KRT74: variants seen among roughly 807,000 people sequenced by gnomAD.
KRT74 encodes the protein keratin, type II cytoskeletal 74.
In KRT74, 43 loss-of-function variants were observed where a neutral mutation model predicts 42.7. The observed-to-expected ratio is 1.01, with a 90% confidence interval of 0.79 to 1.30. The LOEUF (loss-of-function observed/expected upper bound fraction) is 1.30. Among genes scored for constraint, KRT74 ranks in the 50% most tolerant of loss-of-function variants. The pLI is 0.00. For synonymous variants in KRT74, 302 were observed against 279.0 expected (o/e 1.08, Z -0.82); for missense variants, 736 against 689.1 (o/e 1.07, Z -0.76).
chr12:52,573,357 G>C lies in KRT74; in HGVS notation c.421C>G (p.Arg141Gly). ...TCGTTCAGCACCTTGATCTGTTCCC[G>C]CTCCTGGGCGCGCACCTTCTGGATC... Reference protein sequence around the residue: ...PEIQKVRAQEREQIKVLNDKF... With the variant: ...PEIQKVRAQEGEQIKVLNDKF... Residue 141 changes from arginine to glycine, a missense_variant, in exon 1 of 9, where the codon CGG becomes GGG. Coordinates refer to ENST00000305620, the MANE Select transcript of KRT74 (RefSeq NM_175053.4). 6.2e-7 allele frequency: 1 copy of C among 1,614,148 alleles called. No homozygotes were observed. Among genetic ancestry groups the C allele is most frequent in the African/African-American group, 1.3e-5 (1 of 75,040 alleles).
chr12:52,572,726 C>T (rs1283326251), intron 1 of KRT74, 59 bp from the exon 2 acceptor site: 15 of 1,481,722 alleles, frequency 1.0e-5, no homozygotes, highest in Non-Finnish European at 1.2e-5. Context: ...GCCCCCTGGA[C>T]ACACACCATT....
intron 5 of KRT74, 78 bp downstream of exon 5, chr12:52,570,591 T>C (rs1006696060): frequency 1.8e-5 from 27 of 1,482,764 alleles, no homozygotes; most frequent in Non-Finnish European, 2.3e-5. Context: ...CACAAAAGTA[T>C]TCCTCACATT....
At position 52,572,412 on chromosome 12, in the gene KRT74, C is replaced by T. The variant is rs371552766; in HGVS notation, c.686+41G>A. The T allele has an allele frequency of 2.8e-4, 449 of 1,606,502 alleles. 1 individual carries two copies. The highest frequency in any genetic ancestry group is 3.4e-4 in the Non-Finnish European group (402 of 1,173,110). ...CAGAGATCAGGTGAGCCCAGAGGCACGGGAAACATGGTCTGTGACCCTCGG... is the reference window on the plus strand; with the variant it reads ...CAGAGATCAGGTGAGCCCAGAGGCATGGGAAACATGGTCTGTGACCCTCGG... On this transcript the variant is annotated intron_variant, in intron 2 of 8. Transcript: ENST00000305620.
chr12:52,571,337 G>A (rs1939477336), intron 4 of KRT74, 22 bp downstream of exon 4: 1 of 1,409,934 alleles, frequency 7.1e-7, no homozygotes, highest in Non-Finnish European at 1.0e-6. Flanking sequence ...GGGTGAGGGT[G>A]GGGGGACAGG....
intron 6 of KRT74, chr12:52,569,407 C>A: frequency 2.0e-6 from 1 of 503,236 alleles, no homozygotes; most frequent in Non-Finnish European, 3.5e-6. Context: ...AACAGAGGCG[C>A]CTGATGCATA....
chr12:52,572,029 C>G (rs376839771), intron 2 of KRT74, 25 bp from the exon 3 acceptor site: 3 of 1,506,756 alleles, frequency 2.0e-6, no homozygotes, highest in African/African-American at 2.8e-5. Context: ...AGTAGATGGC[C>G]TTAGCCCCCT....
intron 4 of KRT74, 23 bp downstream of exon 4, chr12:52,571,336 T>A (rs1939477294): frequency 1.4e-6 from 2 of 1,405,396 alleles, no homozygotes; most frequent in Admixed American, 3.3e-5. Context: ...AGGGTGAGGG[T>A]GGGGGGACAG....
rs1421646378 is a variant in KRT74 at position 52,572,610 on chromosome 12, G to A, written c.529C>T (p.Gln177Ter). The change falls in exon 2 of 9, where the codon CAG becomes TAG. Residue 177 changes from glutamine (Q) to a stop codon, truncating the protein, a stop_gained. Transcript: ENST00000305620. LOFTEE classifies it high-confidence loss of function. ...TTCTTGCAGTTGTTCAGGTCCAGCT[G>A]CTGCAGCAGCTCCCACTTGGTTTCT... The part of the protein sequence containing the change: ...VLETKWELLQ[Q>*]LDLNNCKKNL... The A allele has an allele frequency of 1.9e-6, 3 of 1,614,072 alleles. No individual in the cohort carries two copies. The African/African-American group carries it at 4.0e-5, about 22-fold the overall frequency.
intron 6 of KRT74, among the ~76,000 whole-genome samples, chr12:52,568,927 T>C (rs931711170): frequency 3.3e-5 from 5 of 152,200 alleles, no homozygotes; most frequent in African/African-American, 1.2e-4. Context: ...CCCTAAATTA[T>C]AGGCACAACC....
chr12:52,570,631 G>A (rs548969415), intron 5 of KRT74, 38 bp downstream of exon 5: 20 of 1,612,316 alleles, frequency 1.2e-5, no homozygotes, highest in East Asian at 4.5e-5. Flanking sequence ...CCCAGGAAGC[G>A]AAGGGCTGCT....
rs1056812867 is a variant in KRT74 at position 52,568,449 on chromosome 12, T to A, written c.1135-60A>T. On this transcript the variant is annotated intron_variant, in intron 6 of 8. Transcript: ENST00000305620. The stretch of plus-strand genomic sequence containing the variant: ...GAAAATTACATTTAGCTCATACCAG[T>A]TAAGTAGAACAATGCCCTCATTTTG... The A allele has an allele frequency of 5.1e-6, 8 of 1,560,792 alleles. No homozygotes were observed. In the African/African-American group the frequency reaches 9.5e-5, roughly 19 times the overall value.
At chr12:52,570,639 G>T in intron 5 of KRT74, 30 bp downstream of exon 5, 1 of 1,613,448 alleles carries the variant, frequency 6.2e-7, no homozygotes, top group Non-Finnish European at 8.5e-7. Flanking sequence ...GCGAAGGGCT[G>T]CTGTGGGAGG....
chr12:52,569,299 T>C (rs980614405), intron 6 of KRT74, among the ~76,000 whole-genome samples: 1 of 111,174 alleles, frequency 9.0e-6, no homozygotes, highest in Non-Finnish European at 1.6e-5. Context: ...AGTAGTACCA[T>C]GGCACAGGGC....
rs374303701 is a variant in KRT74 at position 52,571,880 on chromosome 12, C to T, written c.747+64G>A. On this transcript the variant is annotated intron_variant, in intron 3 of 8. Coordinates refer to ENST00000305620, the MANE Select transcript of KRT74 (RefSeq NM_175053.4). ...CTCCCCAGCCTCCTGGGCTGAAGTC[C>T]TGAGCAGAGTTGTTAAGATGGGGGT... is the stretch of plus-strand genomic sequence containing the variant. The T allele has an allele frequency of 5.1e-4, 583 of 1,146,470 alleles. 1 individual carries two copies. Among genetic ancestry groups the T allele is most frequent in the African/African-American group, 2.6e-3 (170 of 64,442 alleles). The allele number at this position is 1,146,470 out of a possible 1,614,324, so 71.0% of individuals were successfully genotyped here.
At chr12:52,568,466 C>T (rs571130635) in intron 6 of KRT74, 77 bp from the exon 7 acceptor site, 371 of 1,499,890 alleles carry the variant, frequency 2.5e-4, no homozygotes, top group Non-Finnish European at 3.3e-4. Context: ...GAACAATGCC[C>T]TCATTTTGCA....
intron 3 of KRT74, 145 bp downstream of exon 3, chr12:52,571,799 C>T (rs1182670734): frequency 1.3e-6 from 1 of 761,132 alleles, no homozygotes; most frequent in African/African-American, 1.7e-5. Context: ...CACTGGAGGC[C>T]AGGACTATGA....
chr12:52,567,516 A>G (rs1939400976), intron 8 of KRT74, 143 bp downstream of exon 8: 2 of 737,970 alleles, frequency 2.7e-6, no homozygotes, highest in Non-Finnish European at 4.9e-6. Flanking sequence ...ATGAAAAGGG[A>G]GAACATTTCC....
At chr12:52,571,280 TA>T in intron 4 of KRT74, 78 bp downstream of exon 4, 1 of 935,296 alleles carries the variant, frequency 1.1e-6, no homozygotes, top group Non-Finnish European at 1.8e-6. Flanking sequence ...TTGTTGATCC[TA>T]AATCTCTCCT....
At position 52,572,686 on chromosome 12, in the gene KRT74, G is replaced by A. The variant is rs750702099; in HGVS notation, c.472-19C>T. The A allele has an allele frequency of 6.2e-7, 1 of 1,610,892 alleles. No individual in the cohort carries two copies. Among genetic ancestry groups the A allele is most frequent in the South Asian group, 1.1e-5 (1 of 90,972 alleles). Reference sequence around the variant, plus strand: ...AGCGTACCTGGAACCCAAATCAACAGACACCTGGAACCACAATGGGTGCAG... The same window carrying A: ...AGCGTACCTGGAACCCAAATCAACAAACACCTGGAACCACAATGGGTGCAG... On this transcript the variant is annotated intron_variant, in intron 1 of 8. Transcript: ENST00000305620.
Sources: gnomAD v4.1 joint callset for allele counts (sites outside exome capture counted in the v4.1 genomes callset) on GRCh38, gnomAD v4.1.1 for gene constraint, MANE v1.5 for transcripts, NCBI Gene and HGNC (gene_info 2026-07-23, HGNC 2026-07-21) for gene names.